Variants in NCAM1 observed in about 807,000 individuals in gnomAD.
The protein encoded by NCAM1 is neural cell adhesion molecule 1.
NCAM1 carries 14 observed loss-of-function variants against 109.8 expected under a neutral mutation model. The observed-to-expected ratio is 0.13, with a 90% CI of 0.08 to 0.20. The LOEUF (loss-of-function observed/expected upper bound fraction) is 0.20, where lower values mean the gene tolerates loss of function less well. Among genes scored for constraint, NCAM1 ranks in the 10% least tolerant of loss-of-function variants. NCAM1 has a pLI of 1.00. For missense variants in NCAM1, 774 were observed against 1,109.9 expected, an observed-to-expected ratio of 0.70 and a Z score of 4.30; for synonymous variants, 418 against 442.9, an observed-to-expected ratio of 0.94 and a Z score of 0.70.
At chr11:113,031,768 G>A (rs551967813) in intron 1 of NCAM1, among the ~76,000 whole-genome samples, 2 of 152,254 alleles carry the variant, frequency 1.3e-5, no homozygotes, top group African/African-American at 4.8e-5. Context: ...GCAGAGCATC[G>A]CCTGTTCAAC....
chr11:113,201,603 C>A (rs1175167680), intron 1 of NCAM1, among the ~76,000 whole-genome samples: 2 of 152,218 alleles, frequency 1.3e-5, no homozygotes, highest in African/African-American at 4.8e-5. Flanking sequence ...TCTGTGAGAT[C>A]TGGCGCAGTG....
At chr11:113,217,873 T>C (rs1437189868) in intron 8 of NCAM1, among the ~76,000 whole-genome samples, 1 of 152,222 alleles carries the variant, frequency 6.6e-6, no homozygotes, top group Non-Finnish European at 1.5e-5. Flanking sequence ...AAGAAACTTA[T>C]CATCTCTAGT....
chr11:112,984,859 A>G (rs1951253475), intron 1 of NCAM1, among the ~76,000 whole-genome samples: 2 of 150,948 alleles, frequency 1.3e-5, no homozygotes, highest in Admixed American at 6.6e-5. Flanking sequence ...TTCCTTTTCT[A>G]TTTTTGATTG....
At chr11:112,964,958 T>C (rs1289017673) in intron 1 of NCAM1, among the ~76,000 whole-genome samples, 1 of 152,212 alleles carries the variant, frequency 6.6e-6, no homozygotes, top group Non-Finnish European at 1.5e-5. Context: ...TCTGCTAACC[T>C]AGCTAAGCTT....
intron 1 of NCAM1, among the ~76,000 whole-genome samples, chr11:113,082,642 T>A (rs1938883105): frequency 6.6e-6 from 1 of 152,226 alleles, no homozygotes; most frequent in Admixed American, 6.5e-5. Context: ...TGAAACCTTT[T>A]ATAAAAACAA....
At chr11:113,160,738 G>A (rs532304812) in intron 1 of NCAM1, among the ~76,000 whole-genome samples, 2 of 152,080 alleles carry the variant, frequency 1.3e-5, no homozygotes, top group South Asian at 2.1e-4. Flanking sequence ...TGGCTGTACC[G>A]GTTCCAAACA....
intron 1 of NCAM1, among the ~76,000 whole-genome samples, chr11:113,067,426 G>T (rs1452694932): frequency 6.6e-6 from 1 of 152,128 alleles, no homozygotes; most frequent in Non-Finnish European, 1.5e-5. Flanking sequence ...GAAAACCATG[G>T]CACCAATTAA....
intron 1 of NCAM1, among the ~76,000 whole-genome samples, chr11:112,970,392 G>A (rs1253434884): frequency 6.6e-6 from 1 of 152,124 alleles, no homozygotes; most frequent in African/African-American, 2.4e-5. Context: ...AAGGGCTAAC[G>A]AAGGGATTTT....
At chr11:113,034,653 T>G (rs1482024757) in intron 1 of NCAM1, among the ~76,000 whole-genome samples, 1 of 152,212 alleles carries the variant, frequency 6.6e-6, no homozygotes, top group Admixed American at 6.5e-5. Flanking sequence ...CATCTCATGG[T>G]GTAGGATCGT....
intron 7 of NCAM1, 54 bp from the exon 8 acceptor site, chr11:113,214,315 A>C: frequency 6.3e-7 from 1 of 1,588,906 alleles, no homozygotes; most frequent in Non-Finnish European, 8.6e-7. Context: ...CCATCATTTA[A>C]ACCCAGAAAG....
At position 113,273,377 on chromosome 11, in the gene NCAM1, G is replaced by A. The variant is rs1190803726; in HGVS notation, c.2456+1501G>A. Reference sequence around the variant, plus strand: ...CTGCACCAGTCCCCACCCCGACTGGGGCAGCCAGTCCTCTAGCAGCAGCGG... The same window carrying A: ...CTGCACCAGTCCCCACCCCGACTGGAGCAGCCAGTCCTCTAGCAGCAGCGG... On this transcript the variant is annotated intron_variant, in intron 19 of 19. Coordinates refer to ENST00000316851, the MANE Select transcript of NCAM1 (RefSeq NM_181351.5). This position sits in a 1 kb window ranked among gnomAD's most constrained non-coding sequence, Gnocchi z 6.0. 6.0e-6 allele frequency: 2 copies of A among 330,912 alleles called. No homozygotes were observed. Among genetic ancestry groups the A allele is most frequent in the African/African-American group, 2.2e-5 (1 of 46,148 alleles). The allele number at this position is 330,912 out of a possible 1,614,324, so 20.5% of individuals were successfully genotyped here.
chr11:113,236,002 C>A (rs1555118210), intron 14 of NCAM1, among the ~76,000 whole-genome samples: 1 of 152,164 alleles, frequency 6.6e-6, no homozygotes, highest in Non-Finnish European at 1.5e-5. Context: ...GTTCCCTGGG[C>A]TCTCTGACCC....
chr11:113,237,870 A>C (rs1275388856), intron 14 of NCAM1, among the ~76,000 whole-genome samples: 1 of 58,630 alleles, frequency 1.7e-5, no homozygotes, highest in African/African-American at 4.7e-5. Context: ...ATATAGATAT[A>C]TAGATATATA....
intron 1 of NCAM1, among the ~76,000 whole-genome samples, chr11:113,104,742 T>A (rs1049229451): frequency 5.3e-5 from 8 of 152,176 alleles, no homozygotes; most frequent in Non-Finnish European, 1.5e-5. Flanking sequence ...ATAAATTGGG[T>A]CTTATGCAGC....
chr11:113,205,696 T>A (rs1555112735), intron 4 of NCAM1, 30 bp downstream of exon 4: 1 of 1,604,554 alleles, frequency 6.2e-7, no homozygotes, highest in South Asian at 1.1e-5. Flanking sequence ...GCATCTGCCT[T>A]TTCCCCAGGC....
chr11:112,994,212 T>C (rs1555071007), intron 1 of NCAM1, among the ~76,000 whole-genome samples: 1 of 152,238 alleles, frequency 6.6e-6, no homozygotes, highest in South Asian at 2.1e-4. Flanking sequence ...TATCTGATAG[T>C]ATCTTTATTC....
At chr11:113,002,961 T>C (rs1229816339) in intron 1 of NCAM1, among the ~76,000 whole-genome samples, 9 of 152,252 alleles carry the variant, frequency 5.9e-5, no homozygotes, top group Non-Finnish European at 1.2e-4. Context: ...AAGATGCTGT[T>C]TGATAGAATC....
intron 1 of NCAM1, among the ~76,000 whole-genome samples, chr11:113,043,238 T>G (rs1463984888): frequency 3.9e-5 from 6 of 152,174 alleles, no homozygotes; most frequent in Non-Finnish European, 5.9e-5. Context: ...AATAGAGGTG[T>G]GATATGCCTG....
At chr11:113,161,792 G>A (rs1555104443) in intron 1 of NCAM1, among the ~76,000 whole-genome samples, 1 of 151,914 alleles carries the variant, frequency 6.6e-6, no homozygotes, top group African/African-American at 2.4e-5. Context: ...CTAGTGGCTT[G>A]CAGCAGAACT....
Sources: gnomAD v4.1 joint callset for allele counts (sites outside exome capture counted in the v4.1 genomes callset) on GRCh38, gnomAD v4.1.1 for gene constraint, Gnocchi (gnomAD v3.1) non-coding constraint, MANE v1.5 for transcripts, NCBI Gene and HGNC (gene_info 2026-07-23, HGNC 2026-07-21) for gene names.